The following CYFIP1 variants were observed in gnomAD, a reference collection of about 807,000 sequenced individuals.
The protein encoded by CYFIP1 is cytoplasmic FMR1-interacting protein 1.
CYFIP1 carries 58 observed loss-of-function variants against 163.5 expected under a neutral mutation model. The ratio of observed to expected loss-of-function variants is 0.35; its 90% CI spans 0.29 to 0.44. The LOEUF is 0.44. Ranked by LOEUF, CYFIP1 falls within the 20% of genes least tolerant of loss-of-function variation. CYFIP1 has a pLI of 1.00. For synonymous variants in CYFIP1, 663 were observed against 660.7 expected, an observed-to-expected ratio of 1.00 and a Z score of -0.05; for missense variants, 1,338 against 1,653.8, an observed-to-expected ratio of 0.81 and a Z score of 3.31.
At chr15:22,925,094 G>A (rs1326519166) in intron 13 of CYFIP1, among the ~76,000 whole-genome samples, 1 of 152,136 alleles carries the variant, frequency 6.6e-6, no homozygotes, top group Non-Finnish European at 1.5e-5. Context: ...CCCAAGGTTG[G>A]TTCATGGAGG....
At chr15:22,978,352 CAAAAAAAAAAAAAAAA>C (rs397976366) in intron 1 of CYFIP1, among the ~76,000 whole-genome samples, 1 of 52,764 alleles carries the variant, frequency 1.9e-5, no homozygotes, top group African/African-American at 6.6e-5. Context: ...GACTCTGTCA[CAAAAAAAAAAAAAAAA>C]AAAAAAAAAA....
At chr15:22,895,832 G>C (rs988939225) in intron 22 of CYFIP1, among the ~76,000 whole-genome samples, 17 of 152,172 alleles carry the variant, frequency 1.1e-4, no homozygotes, top group Non-Finnish European at 2.2e-4. Context: ...GCCCAAGTGA[G>C]CGCCCCTGGC....
Position 22,905,828 on chromosome 15 carries a change from C to T in CYFIP1, c.2389-1923G>A, listed in dbSNP as rs545816599. Among the ~76,000 whole-genome samples the T allele has an allele frequency of 9.2e-5, 14 of 151,472 alleles. No homozygotes were observed. In the South Asian group the frequency reaches 2.9e-3, roughly 32 times the overall value. ...AGGCTGTAGTACAGTGGAACGATCT[C>T]GGCTCACTGCAACCTCTGTCTCCCG... On this transcript the variant is annotated intron_variant, in intron 21 of 30. Transcript: ENST00000617928.
At chr15:22,901,766 G>C (rs1177705719) in intron 22 of CYFIP1, among the ~76,000 whole-genome samples, 1 of 152,196 alleles carries the variant, frequency 6.6e-6, no homozygotes, top group Admixed American at 6.5e-5. Context: ...TAAAATTCCG[G>C]GTAGCATGGT....
intron 23 of CYFIP1, among the ~76,000 whole-genome samples, chr15:22,886,174 C>A (rs148331724): frequency 2.0e-5 from 3 of 152,112 alleles, no homozygotes; most frequent in African/African-American, 7.2e-5. Context: ...AACATCGTCA[C>A]CCCCATGATC....
chr15:22,933,479 T>G (rs1255562859), intron 10 of CYFIP1, among the ~76,000 whole-genome samples: 1 of 151,794 alleles, frequency 6.6e-6, no homozygotes, highest in East Asian at 1.9e-4. Flanking sequence ...CACGCCCGGC[T>G]AATTTTTTCT....
intron 17 of CYFIP1, among the ~76,000 whole-genome samples, chr15:22,914,234 A>C (rs544706489): frequency 7.0e-4 from 106 of 152,186 alleles, no homozygotes; most frequent in East Asian, 1.7e-3. Context: ...TGCACTACGA[A>C]GGCCTGGGGA....
intron 26 of CYFIP1, among the ~76,000 whole-genome samples, chr15:22,877,515 T>C (rs187231299): frequency 5.9e-5 from 9 of 152,314 alleles, no homozygotes; most frequent in African/African-American, 2.2e-4. Flanking sequence ...GTATTAAATA[T>C]TTAAAATTCA....
At chr15:22,961,676 CT>C (rs1327577438) in intron 1 of CYFIP1, among the ~76,000 whole-genome samples, 1 of 152,146 alleles carries the variant, frequency 6.6e-6, no homozygotes, top group Non-Finnish European at 1.5e-5. Context: ...CCACTTCCCC[CT>C]GCCTGTTTTT....
At chr15:22,933,973 G>A in intron 9 of CYFIP1, 80 bp from the exon 10 acceptor site, 1 of 963,618 alleles carries the variant, frequency 1.0e-6, no homozygotes, top group Non-Finnish European at 1.6e-6. Flanking sequence ...ACTGACTAAT[G>A]CTAATAATTA....
Position 22,917,245 on chromosome 15 carries a change from T to G in CYFIP1, c.1674+543A>C. 1.4e-6 allele frequency: 2 copies of G among 1,395,528 alleles called. No homozygotes were observed. The highest frequency in any genetic ancestry group is 1.8e-5 in the South Asian group (1 of 56,172). The allele number at this position is 1,395,528 out of a possible 1,614,324, so 86.4% of individuals were successfully genotyped here. On this transcript the variant is annotated intron_variant, in intron 15 of 30. Transcript: ENST00000617928. The surrounding 1 kb of genome is among the most constrained non-coding windows in gnomAD (Gnocchi z 4.2). ...AGAGTGGCAGAAGAGATTAAAAGCC[T>G]CCGGCAGAGATGAGGGAGAAGACCA...
At chr15:22,928,061 C>T in intron 11 of CYFIP1, 33 bp from the exon 12 acceptor site, 1 of 1,472,218 alleles carries the variant, frequency 6.8e-7, no homozygotes, top group Non-Finnish European at 9.0e-7. Context: ...CGTGAGAAAC[C>T]AGCGCCCCCA....
chr15:22,971,130 C>T (rs766040329), intron 1 of CYFIP1, among the ~76,000 whole-genome samples: 10 of 152,238 alleles, frequency 6.6e-5, no homozygotes, highest in South Asian at 2.1e-4. Flanking sequence ...AACAGATCAA[C>T]GCCTAAACAT....
In CYFIP1 at chr15:22,917,265, A is replaced by C. The variant is rs1357360866; in HGVS notation, c.1674+523T>G. The C allele has an allele frequency of 7.2e-7, 1 of 1,389,850 alleles. No homozygotes were observed. The highest frequency in any genetic ancestry group is 9.3e-7 in the Non-Finnish European group (1 of 1,078,736). 86.1% of individuals were successfully genotyped at this position (1,389,850 alleles called of 1,614,324 possible). A position where few individuals can be genotyped will look rare whatever the true frequency, so the allele number is the denominator to read the frequency against. On this transcript the variant is annotated intron_variant, in intron 15 of 30. Transcript: ENST00000617928. The surrounding 1 kb of genome is among the most constrained non-coding windows in gnomAD (Gnocchi z 4.2). Reference sequence around the variant, plus strand: ...AAGCCTCCGGCAGAGATGAGGGAGAAGACCAGCCCCAGGACGGAGGACAGA... The same window carrying C: ...AAGCCTCCGGCAGAGATGAGGGAGACGACCAGCCCCAGGACGGAGGACAGA...
chr15:22,888,152 A>C (rs1015910669), intron 23 of CYFIP1, among the ~76,000 whole-genome samples: 1 of 152,210 alleles, frequency 6.6e-6, no homozygotes, highest in East Asian at 1.9e-4. Context: ...AGTTTATTTT[A>C]TTCCTGCAAG....
rs2059177060 is a variant in CYFIP1, at chr15:22,867,394, AAAAAG to A, written c.*2629_*2633del. On this transcript the variant is annotated 3_prime_UTR_variant, in exon 31 of 31. Transcript: ENST00000617928. ...AGGAACCTCTTTCTTACAAAACAAA[AAAAAG>A]GGCAGAAATCACCCCAAGGAACGAT... 2.1e-5 allele frequency: 8 copies of A among 387,116 alleles called. No homozygotes were observed. Among genetic ancestry groups the A allele is most frequent in the Non-Finnish European group, 2.3e-5 (5 of 219,830 alleles). The allele number at this position is 387,116 out of a possible 1,614,324, so 24.0% of individuals were successfully genotyped here.
At chr15:22,875,945 T>C (rs1364506887) in intron 26 of CYFIP1, among the ~76,000 whole-genome samples, 1 of 139,370 alleles carries the variant, frequency 7.2e-6, no homozygotes, top group African/African-American at 2.6e-5. Flanking sequence ...ACACCCCAAA[T>C]CCACCAAGAA....
rs1418215454 is a variant in CYFIP1, at chr15:22,867,863, A to C, written c.*2165T>G. The C allele has an allele frequency of 6.6e-6, 1 of 152,228 alleles. No homozygotes were observed. Among genetic ancestry groups the C allele is most frequent in the African/African-American group, 2.4e-5 (1 of 41,458 alleles). 9.4% of individuals were successfully genotyped at this position (152,228 alleles called of 1,614,324 possible). A position where few individuals can be genotyped will look rare whatever the true frequency, so the allele number is the denominator to read the frequency against. The stretch of plus-strand genomic sequence containing the variant: ...TCTAGAAAATGTTTGTTTATGAAGA[A>C]GTCGATGGAAAACTGCAAACATATG... On this transcript the variant is annotated 3_prime_UTR_variant, in exon 31 of 31. Coordinates refer to ENST00000617928, the MANE Select transcript of CYFIP1 (RefSeq NM_014608.6).
chr15:22,879,825 G>T, intron 26 of CYFIP1, 88 bp downstream of exon 26: 1 of 990,454 alleles, frequency 1.0e-6, no homozygotes, highest in Non-Finnish European at 1.5e-6. Context: ...CCCCACTAAA[G>T]AACCCGCCAA....
Sources: allele counts gnomAD v4.1 joint callset (sites outside exome capture counted in the v4.1 genomes callset), GRCh38; gene constraint gnomAD v4.1.1; non-coding constraint Gnocchi (gnomAD v3.1); transcripts MANE v1.5; gene names NCBI Gene and HGNC (gene_info 2026-07-23, HGNC 2026-07-21).